The following GNAQ variants were observed in gnomAD, a reference collection of about 807,000 sequenced individuals.
The protein encoded by GNAQ is guanine nucleotide-binding protein G(q) subunit alpha.
Under a neutral mutation model 43.9 loss-of-function variants are expected in GNAQ, and 8 were observed. The ratio of observed to expected loss-of-function variants is 0.18; its 90% CI spans 0.11 to 0.33. The LOEUF (loss-of-function observed/expected upper bound fraction) is 0.33, where lower values mean the gene tolerates loss of function less well. GNAQ is among the 10% of genes least tolerant of loss of function. The probability of loss-of-function intolerance (pLI) is 1.00; values close to 1 mark genes in which losing one functional copy is unlikely to be tolerated. For missense variants in GNAQ, 158 were observed against 450.8 expected (o/e 0.35, Z 5.88); for synonymous variants, 155 against 170.7 (o/e 0.91, Z 0.71).
intron 2 of GNAQ, among the ~76,000 whole-genome samples, chr9:77,861,302 G>C (rs979122608): frequency 6.6e-6 from 1 of 152,112 alleles, no homozygotes; most frequent in African/African-American, 2.4e-5. Flanking sequence ...CAACACATGG[G>C]AATTCAAGGT....
rs540302561 is a variant in GNAQ at position 77,717,820 on chromosome 9, A to T, written c.*3503T>A. ...TAAACAACATATGCAGGTTCTTAAA[A>T]TTTTTTTTTCCAGTCTATTCATGAC... On this transcript the variant is annotated 3_prime_UTR_variant, in exon 7 of 7. Transcript: ENST00000286548. The T allele has an allele frequency of 1.8e-4, 42 of 231,196 alleles. No homozygotes were observed. The South Asian group carries it at 5.1e-3, about 28-fold the overall frequency. The allele number at this position is 231,196 out of a possible 1,614,324, so 14.3% of individuals were successfully genotyped here.
At chr9:77,743,712 G>A (rs1825689719) in intron 5 of GNAQ, among the ~76,000 whole-genome samples, 1 of 151,968 alleles carries the variant, frequency 6.6e-6, no homozygotes, top group East Asian at 1.9e-4. Flanking sequence ...CATTTCTGAG[G>A]TTTTGTGAGT....
chr9:77,968,326 C>G (rs1370390410), intron 1 of GNAQ, among the ~76,000 whole-genome samples: 1 of 152,174 alleles, frequency 6.6e-6, no homozygotes, highest in East Asian at 1.9e-4. Context: ...TAAATCCCTA[C>G]AGGCTAAATG....
chr9:77,810,981 G>A (rs781366233), intron 3 of GNAQ, among the ~76,000 whole-genome samples: 2 of 152,130 alleles, frequency 1.3e-5, no homozygotes, highest in Non-Finnish European at 2.9e-5. Flanking sequence ...AGGCATGCTT[G>A]GCCTCTGCTC....
chr9:77,922,222 A>G lies in GNAQ; in HGVS notation c.260T>C (p.Met87Thr). 3 of 1,613,072 alleles carry G rather than the reference A, an allele frequency of 1.9e-6. No homozygotes were observed. Among genetic ancestry groups the G allele is most frequent in the Non-Finnish European group, 8.5e-7 (1 of 1,179,082 alleles). The change falls in exon 2 of 7, where the codon ATG (methionine) becomes ACG (threonine). Residue 87 changes from methionine (M) to threonine (T), a missense_variant. Physicochemically the swap from Met to Thr is moderately conservative, Grantham distance 81. This residue lies in a region of GNAQ where 57 missense variants were observed against 78.2 expected (regional missense o/e 0.73). Coordinates refer to ENST00000286548, the MANE Select transcript of GNAQ (RefSeq NM_002072.5). ...GTCCATGGCTCTGATCATGGCCTGC[A>G]TGGCCGTGAAGATGTTCTGATACAC... ...KLVYQNIFTAMQAMIRAMDTL... is the reference protein window; with the variant it reads ...KLVYQNIFTATQAMIRAMDTL...
chr9:77,764,888 G>C (rs1826109885), intron 5 of GNAQ, among the ~76,000 whole-genome samples: 1 of 152,156 alleles, frequency 6.6e-6, no homozygotes, highest in Non-Finnish European at 1.5e-5. Context: ...GCCCTCACTG[G>C]ATCACAGTTT....
intron 2 of GNAQ, among the ~76,000 whole-genome samples, chr9:77,838,635 C>A (rs942289053): frequency 2.6e-5 from 4 of 151,914 alleles, no homozygotes; most frequent in African/African-American, 4.8e-5. Context: ...CTAGGCTGGT[C>A]TCAAACTCCT....
At chr9:77,917,557 A>G (rs1021575095) in intron 2 of GNAQ, among the ~76,000 whole-genome samples, 3 of 152,170 alleles carry the variant, frequency 2.0e-5, no homozygotes, top group Admixed American at 6.5e-5. Context: ...AAGCCATAAA[A>G]TAACAGGGAT....
chr9:77,978,256 C>T (rs935911500), intron 1 of GNAQ, among the ~76,000 whole-genome samples: 1 of 152,144 alleles, frequency 6.6e-6, no homozygotes, highest in South Asian at 2.1e-4. Context: ...CCGCCTCCCC[C>T]GTATCTAACT....
chr9:77,923,751 TA>T (rs1829030243), intron 1 of GNAQ, among the ~76,000 whole-genome samples: 1 of 147,472 alleles, frequency 6.8e-6, no homozygotes, highest in Non-Finnish European at 1.5e-5. Flanking sequence ...ATTTGCTCAC[TA>T]CAAAGCTGAG....
intron 5 of GNAQ, among the ~76,000 whole-genome samples, chr9:77,757,157 C>T (rs563441445): frequency 1.3e-5 from 2 of 152,290 alleles, no homozygotes; most frequent in South Asian, 2.1e-4. Flanking sequence ...ATAGAACTTT[C>T]GAGTTAAGCC....
intron 5 of GNAQ, among the ~76,000 whole-genome samples, chr9:77,763,614 T>C (rs1422823753): frequency 2.0e-5 from 3 of 152,224 alleles, no homozygotes; most frequent in African/African-American, 7.2e-5. Context: ...ATTATTGTAT[T>C]GCGATGGATC....
chr9:77,973,641 A>T (rs1823265433), intron 1 of GNAQ, among the ~76,000 whole-genome samples: 1 of 152,100 alleles, frequency 6.6e-6, no homozygotes, highest in Admixed American at 6.6e-5. Context: ...ACATGATGAA[A>T]CCCTGTCTCT....
chr9:77,899,950 G>C (rs548103749), intron 2 of GNAQ, among the ~76,000 whole-genome samples: 23 of 152,300 alleles, frequency 1.5e-4, no homozygotes, highest in African/African-American at 5.5e-4. Flanking sequence ...ATTGCTACAG[G>C]AAAGACAATA....
At chr9:77,950,259 G>A (rs1237821575) in intron 1 of GNAQ, among the ~76,000 whole-genome samples, 1 of 152,176 alleles carries the variant, frequency 6.6e-6, no homozygotes, top group African/African-American at 2.4e-5. Flanking sequence ...CCATTTGGGG[G>A]AAGTAACTCA....
intron 2 of GNAQ, among the ~76,000 whole-genome samples, chr9:77,841,359 T>C (rs12344444): frequency 0.12 from 18,426 of 152,178 alleles, 1,334 homozygotes; most frequent in South Asian, 0.22. Context: ...ACATTGACAT[T>C]TCCTGCAAGG....
intron 2 of GNAQ, among the ~76,000 whole-genome samples, chr9:77,842,636 G>A (rs1035192138): frequency 1.3e-5 from 2 of 152,122 alleles, no homozygotes; most frequent in Non-Finnish European, 2.9e-5. Context: ...TTCCAAGGCT[G>A]AGGATGCTGA....
chr9:77,975,445 A>T (rs1418359214), intron 1 of GNAQ, among the ~76,000 whole-genome samples: 2 of 152,074 alleles, frequency 1.3e-5, no homozygotes, highest in African/African-American at 2.4e-5. Context: ...ACAGATAAGG[A>T]AACAGGTTTA....
chr9:77,884,718 G>A (rs908351368), intron 2 of GNAQ, among the ~76,000 whole-genome samples: 2 of 152,098 alleles, frequency 1.3e-5, no homozygotes, highest in African/African-American at 4.8e-5. Flanking sequence ...AGCATAGTTT[G>A]CATCTCAGTA....
Sources: gnomAD v4.1 joint callset for allele counts (sites outside exome capture counted in the v4.1 genomes callset) on GRCh38, gnomAD v4.1.1 for gene constraint, gnomAD v4.1.1 regional missense constraint, MANE v1.5 for transcripts, NCBI Gene and HGNC (gene_info 2026-07-23, HGNC 2026-07-21) for gene names.